LTA4H: variants seen among roughly 807,000 people sequenced by gnomAD.
The protein encoded by LTA4H is leukotriene A-4 hydrolase.
Under a neutral mutation model 89.8 loss-of-function variants are expected in LTA4H, and 59 were observed. That is an observed-to-expected ratio of 0.66 (90% CI 0.53 to 0.82). The LOEUF is 0.82. LTA4H is among the 40% of genes least tolerant of loss of function. The pLI is 0.00. For missense variants in LTA4H, 617 were observed against 727.0 expected (o/e 0.85, Z 1.74); for synonymous variants, 227 against 253.1 (o/e 0.90, Z 0.98).
chr12:96,015,768 T>C, intron 10 of LTA4H, 74 bp from the exon 11 acceptor site: 1 of 1,063,650 alleles, frequency 9.4e-7, no homozygotes, highest in Non-Finnish European at 1.4e-6. Flanking sequence ...GATATTTTCT[T>C]TTTGGCTTTT....
At position 96,022,186 on chromosome 12, in the gene LTA4H, T is replaced by G. The variant is rs977635294; in HGVS notation, c.546A>C (p.Pro182=). ...TGTATATTTTCCTGCTTGGGTCTTCTGGGTCAGGTGTTTCTCCATCACGAA... is the reference window on the plus strand; with the variant it reads ...TGTATATTTTCCTGCTTGGGTCTTCGGGGTCAGGTGTTTCTCCATCACGAA... ...SAIRDGETPD[P]EDPSRKIYKF... is the part of the protein sequence containing the mutation. The change falls in exon 5 of 19, where the codon CCA becomes CCC. Residue 182 remains proline (P), a synonymous_variant. Transcript: ENST00000228740. The surrounding 1 kb of genome is among the most constrained non-coding windows in gnomAD (Gnocchi z 4.0). The G allele has an allele frequency of 1.9e-6, 3 of 1,613,936 alleles. No homozygotes were observed. Among genetic ancestry groups the G allele is most frequent in the Non-Finnish European group, 2.5e-6 (3 of 1,179,946 alleles).
chr12:96,014,372 C>T (rs1394586042), intron 12 of LTA4H: 5 of 150,146 alleles, frequency 3.3e-5, no homozygotes, highest in Non-Finnish European at 6.0e-5. Context: ...TGTGAAATAT[C>T]GAGCAAAACA....
chr12:96,007,262 T>G (rs1341317287), intron 15 of LTA4H, among the ~76,000 whole-genome samples: 1 of 152,198 alleles, frequency 6.6e-6, no homozygotes, highest in Non-Finnish European at 1.5e-5. Context: ...TTCTTTTCCC[T>G]TTACAACTTA....
At position 96,024,366 on chromosome 12, in the gene LTA4H, C is replaced by T; in HGVS notation, c.480+113G>A. The T allele has an allele frequency of 1.3e-5, 8 of 600,134 alleles. No individual in the cohort carries two copies. In the South Asian group the frequency reaches 2.0e-4, roughly 15 times the overall value. 37.2% of individuals were successfully genotyped at this position (600,134 alleles called of 1,614,324 possible). ...TGTTTACATATTTCAGGTAGAATTT[C>T]ATTAAGAAAAATAATTCTAGCTCTA... On this transcript the variant is annotated intron_variant, in intron 4 of 18. Transcript: ENST00000228740.
intron 15 of LTA4H, among the ~76,000 whole-genome samples, chr12:96,007,474 G>A (rs2660880): frequency 0.043 from 6,486 of 152,304 alleles, 181 homozygotes; most frequent in Middle Eastern, 0.071. Flanking sequence ...GGATGCTACA[G>A]AGGTACCGCT....
intron 14 of LTA4H, 143 bp downstream of exon 14, chr12:96,013,045 G>A: frequency 3.4e-6 from 2 of 590,612 alleles, no homozygotes; most frequent in Non-Finnish European, 3.0e-6. Flanking sequence ...TTGGCCTCAG[G>A]GTTAAGGCCA....
At chr12:96,041,212 AATTAT>A (rs1397920430) in intron 1 of LTA4H, among the ~76,000 whole-genome samples, 3 of 152,134 alleles carry the variant, frequency 2.0e-5, no homozygotes, top group African/African-American at 4.8e-5. Context: ...TTAAATCTGA[AATTAT>A]ATTAAAATGA....
chr12:96,006,414 A>C lies in LTA4H; in HGVS notation c.1435-5T>G. 6.4e-7 allele frequency: 1 copy of C among 1,554,188 alleles called. No individual in the cohort carries two copies. Among genetic ancestry groups the C allele is most frequent in the Middle Eastern group, 1.7e-4 (1 of 5,794 alleles). Reference sequence around the variant, plus strand: ...ATTTAAATCATCTTCTTTGGCCTGAAATAAATGTTACCTAGTTATTTTTGT... The same window carrying C: ...ATTTAAATCATCTTCTTTGGCCTGACATAAATGTTACCTAGTTATTTTTGT... On this transcript the variant is annotated splice_region_variant and splice_polypyrimidine_tract_variant and intron_variant, in intron 15 of 18. Coordinates refer to ENST00000228740, the MANE Select transcript of LTA4H (RefSeq NM_000895.3).
rs1179694079 is a variant in LTA4H, at chr12:96,024,492, G to T, written c.467C>A (p.Thr156Asn). The change falls in exon 4 of 19, where the codon ACC becomes AAC. Residue 156 changes from threonine to asparagine, a missense_variant. Physicochemically the swap from Thr to Asn is moderately conservative, Grantham distance 65. Around this residue, in one of 3 missense-constraint regions of LTA4H, gnomAD observed 172 missense variants for 244.5 expected, o/e 0.70. Coordinates refer to ENST00000228740, the MANE Select transcript of LTA4H (RefSeq NM_000895.3). ...PCQDTPSVKL[T>N]YTAEVSVPKE... ...CGTAATATTTACCTCTGCAGTATAGGTTAATTTCACAGAAGGAGTGTCCTG... is the reference window on the plus strand; with the variant it reads ...CGTAATATTTACCTCTGCAGTATAGTTTAATTTCACAGAAGGAGTGTCCTG... The T allele has an allele frequency of 1.0e-5, 16 of 1,606,644 alleles. No homozygotes were observed. The highest frequency in any genetic ancestry group is 1.4e-5 in the Non-Finnish European group (16 of 1,173,582).
chr12:96,019,855 C>T (rs1177184736), intron 6 of LTA4H, among the ~76,000 whole-genome samples: 1 of 151,612 alleles, frequency 6.6e-6, no homozygotes, highest in Non-Finnish European at 1.5e-5. Flanking sequence ...CTGCCTCGGC[C>T]ACCCAAATTG....
intron 14 of LTA4H, 178 bp downstream of exon 14, chr12:96,013,010 T>G (rs961851858): frequency 4.3e-5 from 22 of 517,548 alleles, no homozygotes; most frequent in South Asian, 3.4e-5. Flanking sequence ...AAAAACCATA[T>G]TTGTAAACTG....
At chr12:96,009,222 A>C in intron 14 of LTA4H, 74 bp from the exon 15 acceptor site, 1 of 959,994 alleles carries the variant, frequency 1.0e-6, no homozygotes, top group Non-Finnish European at 1.6e-6. Context: ...GCTACAGTAC[A>C]TACTTAAATT....
At chr12:96,005,439 G>A (rs536004278) in intron 16 of LTA4H, among the ~76,000 whole-genome samples, 1 of 152,100 alleles carries the variant, frequency 6.6e-6, no homozygotes, top group African/African-American at 2.4e-5. Context: ...TTTTCCTACT[G>A]ATCAGTGTAA....
chr12:96,028,040 G>A (rs1202783445), intron 2 of LTA4H: 1 of 152,348 alleles, frequency 6.6e-6, no homozygotes, highest in Admixed American at 6.5e-5. Flanking sequence ...AGTCATTTTT[G>A]TCTGTTGAAT....
intron 12 of LTA4H, chr12:96,014,390 A>T (rs1010436512): frequency 6.4e-6 from 1 of 157,264 alleles, no homozygotes; most frequent in African/African-American, 2.4e-5. Context: ...ACAAAACACA[A>T]ATGCAGAGCC....
Position 96,024,366 on chromosome 12 carries a change from C to A in LTA4H, c.480+113G>T, listed in dbSNP as rs1950488345. On this transcript the variant is annotated intron_variant, in intron 4 of 18. Transcript: ENST00000228740. ...TGTTTACATATTTCAGGTAGAATTT[C>A]ATTAAGAAAAATAATTCTAGCTCTA... 3.3e-5 allele frequency: 20 copies of A among 600,134 alleles called. 1 individual carries two copies. In the South Asian group the frequency reaches 4.5e-4, roughly 13 times the overall value. 37.2% of individuals were successfully genotyped at this position (600,134 alleles called of 1,614,324 possible).
rs1950423879 is a variant in LTA4H at position 96,019,355 on chromosome 12, G to A, written c.639-115C>T. On this transcript the variant is annotated intron_variant, in intron 6 of 18. Transcript: ENST00000228740. ...TTTACAGTGAGAGTGCATTTACCAT[G>A]TGCCTATGGGAAAGGGATGAGGTTA... The A allele has an allele frequency of 4.9e-6, 4 of 814,808 alleles. No homozygotes were observed. In the Admixed American group the frequency reaches 1.0e-4, roughly 21 times the overall value. The allele number at this position is 814,808 out of a possible 1,614,324, so 50.5% of individuals were successfully genotyped here.
chr12:96,002,860 C>A, intron 18 of LTA4H, 100 bp downstream of exon 18: 1 of 770,448 alleles, frequency 1.3e-6, no homozygotes, highest in Non-Finnish European at 2.1e-6. Context: ...TAAACTTTAA[C>A]AAATTAAAAA....
chr12:96,031,650 A>ATAGG (rs767525275), intron 1 of LTA4H, among the ~76,000 whole-genome samples: 7 of 152,182 alleles, frequency 4.6e-5, no homozygotes, highest in Non-Finnish European at 8.8e-5. Context: ...TTGACATGGA[A>ATAGG]TAGGTATCTG....
Sources: gnomAD v4.1 joint callset for allele counts (sites outside exome capture counted in the v4.1 genomes callset) on GRCh38, gnomAD v4.1.1 for gene constraint, gnomAD v4.1.1 regional missense constraint, Gnocchi (gnomAD v3.1) non-coding constraint, MANE v1.5 for transcripts, NCBI Gene and HGNC (gene_info 2026-07-23, HGNC 2026-07-21) for gene names.